MTERF3: variants seen among roughly 807,000 people sequenced by gnomAD.
MTERF3 encodes the protein mitochondrial transcription termination factor 3, also known as transcription termination factor 3, mitochondrial.
MTERF3 carries 40 observed loss-of-function variants against 40.5 expected under a neutral mutation model. That is an observed-to-expected ratio of 0.99 (90% CI 0.77 to 1.29). The LOEUF is 1.29. Among genes scored for constraint, MTERF3 ranks in the 50% most tolerant of loss-of-function variants. The pLI is 0.00. For synonymous variants in MTERF3, 158 were observed against 166.6 expected, an observed-to-expected ratio of 0.95 and a Z score of 0.40; for missense variants, 452 against 478.2, an observed-to-expected ratio of 0.95 and a Z score of 0.51.
At chr8:96,259,569 TAGAA>T (rs1810341936) in intron 1 of MTERF3, among the ~76,000 whole-genome samples, 1 of 152,208 alleles carries the variant, frequency 6.6e-6, no homozygotes, top group South Asian at 2.1e-4. Context: ...GCCAGCTAAT[TAGAA>T]AGGTAAATTT....
At chr8:96,250,876 G>C (rs752390913) in intron 4 of MTERF3, 30 bp downstream of exon 4, 1 of 1,573,342 alleles carries the variant, frequency 6.4e-7, no homozygotes, top group South Asian at 1.2e-5. Context: ...CACTTCTTAG[G>C]TTATATGAGA....
chr8:96,242,943 A>C (rs1044470699), intron 7 of MTERF3, among the ~76,000 whole-genome samples: 1 of 152,176 alleles, frequency 6.6e-6, no homozygotes, highest in Admixed American at 6.5e-5. Context: ...TTTTCGTTGA[A>C]GATTATTTCA....
At chr8:96,248,284 T>C (rs555248406) in intron 4 of MTERF3, among the ~76,000 whole-genome samples, 1 of 152,296 alleles carries the variant, frequency 6.6e-6, no homozygotes, top group South Asian at 2.1e-4. Context: ...ACAAGGTAAG[T>C]CACTACAGCC....
chr8:96,258,172 C>T (rs1683671187), intron 2 of MTERF3, 185 bp downstream of exon 2: 2 of 895,622 alleles, frequency 2.2e-6, no homozygotes, highest in Non-Finnish European at 2.7e-6. Flanking sequence ...ACACGTTAGC[C>T]CACAAACTTT....
chr8:96,246,367 C>T lies in MTERF3; in HGVS notation c.765G>A (p.Val255=), dbSNP rs1365793727. ...RKAPFLLNFS[V]ERLDNRLGFF... ...ATCCCAATCTGTTATCCAGTCTTTC[C>T]ACTGAAAAGTTCAGCAAAAATGGTG... is the stretch of plus-strand genomic sequence containing the variant. The change falls in exon 5 of 8, where the codon GTG becomes GTA. Residue 255 remains valine (V), a synonymous_variant. Coordinates refer to ENST00000287025, the MANE Select transcript of MTERF3 (RefSeq NM_015942.5). 2.5e-6 allele frequency: 4 copies of T among 1,612,508 alleles called. No individual in the cohort carries two copies. The highest frequency in any genetic ancestry group is 1.7e-5 in the Admixed American group (1 of 59,776).
At position 96,258,721 on chromosome 8, in the gene MTERF3, C is replaced by T. The variant is rs111855567; in HGVS notation, c.-10-21G>A. ...TTAGTCTACAAAGGAAAGATATAAC[C>T]GTCAAAAGAAGAGAAATTTAATTTA... On this transcript the variant is annotated intron_variant, in intron 1 of 7. Coordinates refer to ENST00000287025, the MANE Select transcript of MTERF3 (RefSeq NM_015942.5). 7.3e-3 allele frequency: 10,706 copies of T among 1,476,024 alleles called. 662 individuals carry two copies. In the African/African-American group the frequency reaches 0.14, roughly 19 times the overall value. 91.4% of individuals were successfully genotyped at this position (1,476,024 alleles called of 1,614,324 possible).
At chr8:96,240,000 C>A (rs1809893341) in intron 7 of MTERF3, 1 of 578,908 alleles carries the variant, frequency 1.7e-6, no homozygotes, top group Non-Finnish European at 3.0e-6. Context: ...GTGGCTCACG[C>A]CTTTAGTGAG....
chr8:96,250,618 A>AAGGAGGCTGAGGC (rs1810133610), intron 4 of MTERF3, among the ~76,000 whole-genome samples: 1 of 12,116 alleles, frequency 8.3e-5, no homozygotes, highest in Non-Finnish European at 1.6e-4. Flanking sequence ...GCTGAGGCAG[A>AAGGAGGCTGAGGC]AGAAGAAGAA....
At chr8:96,256,307 C>G (rs1011862474) in intron 3 of MTERF3, among the ~76,000 whole-genome samples, 1 of 151,892 alleles carries the variant, frequency 6.6e-6, no homozygotes, top group Non-Finnish European at 1.5e-5. Context: ...GGAAGGAGGT[C>G]GGGGTAGTGT....
Position 96,244,029 on chromosome 8 carries a change from T to C in MTERF3, c.949A>G (p.Thr317Ala). Residue 317 changes from threonine to alanine, a missense_variant, in exon 7 of 8, where the codon ACC (threonine) becomes GCC (alanine). Physicochemically the swap from Thr to Ala is moderately conservative, Grantham distance 58. Transcript: ENST00000287025. The part of the protein sequence containing the change: ...FKHNEIQHMI[T>A]RIPKMLTANK... ...GCAGTTAACATCTTTGGGATTCTGGTGATCATATGTTGAATTTCGTTATGT... is the reference window on the plus strand; with the variant it reads ...GCAGTTAACATCTTTGGGATTCTGGCGATCATATGTTGAATTTCGTTATGT... 1 of 1,613,886 alleles carries C rather than the reference T, an allele frequency of 6.2e-7. No homozygotes were observed. Among genetic ancestry groups the C allele is most frequent in the South Asian group, 1.1e-5 (1 of 91,060 alleles).
intron 6 of MTERF3, among the ~76,000 whole-genome samples, 155 bp from the exon 7 acceptor site, chr8:96,244,235 A>G (rs1447097471): frequency 1.3e-5 from 2 of 151,780 alleles, no homozygotes; most frequent in Non-Finnish European, 2.9e-5. Flanking sequence ...CAGTCTCCCA[A>G]GTAACTGGAA....
intron 3 of MTERF3, among the ~76,000 whole-genome samples, chr8:96,256,045 A>G (rs1586172653): frequency 6.6e-6 from 1 of 152,212 alleles, no homozygotes; most frequent in Non-Finnish European, 1.5e-5. Flanking sequence ...GTTCCTCTCA[A>G]TGCACTAGGA....
At chr8:96,248,793 A>G (rs1810069042) in intron 4 of MTERF3, among the ~76,000 whole-genome samples, 1 of 152,260 alleles carries the variant, frequency 6.6e-6, no homozygotes, top group African/African-American at 2.4e-5. Context: ...TTTTAAATAT[A>G]ACTTTTTATT....
At chr8:96,254,782 A>C (rs982932560) in intron 3 of MTERF3, among the ~76,000 whole-genome samples, 4 of 152,208 alleles carry the variant, frequency 2.6e-5, no homozygotes, top group African/African-American at 9.7e-5. Flanking sequence ...GCTTCTTGAG[A>C]ACAAAGGCCA....
intron 7 of MTERF3, among the ~76,000 whole-genome samples, chr8:96,241,934 C>A (rs1025174815): frequency 2.0e-5 from 3 of 152,126 alleles, no homozygotes; most frequent in African/African-American, 7.2e-5. Flanking sequence ...ACATTCATTA[C>A]CCTAAAACTG....
At chr8:96,256,100 A>C (rs1259263584) in intron 3 of MTERF3, among the ~76,000 whole-genome samples, 1 of 152,246 alleles carries the variant, frequency 6.6e-6, no homozygotes, top group Admixed American at 6.5e-5. Context: ...GAGAAGTACC[A>C]AACCCAGAGA....
chr8:96,258,809 T>G (rs373187180), intron 1 of MTERF3, 109 bp from the exon 2 acceptor site: 1 of 831,808 alleles, frequency 1.2e-6, no homozygotes, highest in Non-Finnish European at 1.8e-6. Flanking sequence ...TTTTTTCTAA[T>G]TGAAAGGTGT....
chr8:96,252,228 C>G (rs11995989), intron 3 of MTERF3, among the ~76,000 whole-genome samples: 47,206 of 152,080 alleles, frequency 0.31, 8,280 homozygotes, highest in Non-Finnish European at 0.4. Context: ...CAGAATAATA[C>G]GCACACTCAA....
Position 96,258,432 on chromosome 8 carries a change from G to C in MTERF3, c.259C>G (p.Leu87Val), listed in dbSNP as rs757894456. The C allele has an allele frequency of 6.2e-7, 1 of 1,614,158 alleles. No individual in the cohort carries two copies. Among genetic ancestry groups the C allele is most frequent in the South Asian group, 1.1e-5 (1 of 91,086 alleles). ...GACTGTTCATTCATGGAAGGAAGCAGACTGCTTTGGGCAGAATTATTCTCC... is the reference window on the plus strand; with the variant it reads ...GACTGTTCATTCATGGAAGGAAGCACACTGCTTTGGGCAGAATTATTCTCC... ...SQENNSAQSS[L>V]LPSMNEQSQK... Residue 87 changes from leucine (L) to valine (V), a missense_variant, in exon 2 of 8, where the codon CTG becomes GTG. By Grantham distance (32) the Leu-to-Val change is conservative. Coordinates refer to ENST00000287025, the MANE Select transcript of MTERF3 (RefSeq NM_015942.5).
Sources: allele counts gnomAD v4.1 joint callset (sites outside exome capture counted in the v4.1 genomes callset), GRCh38; gene constraint gnomAD v4.1.1; transcripts MANE v1.5; gene names NCBI Gene and HGNC (gene_info 2026-07-23, HGNC 2026-07-21).